MFSD2A: variants seen among roughly 807,000 people sequenced by gnomAD.
MFSD2A encodes the protein MFSD2 lysolipid transporter A, lysophospholipid, also known as sodium-dependent lysophosphatidylcholine symporter 1.
MFSD2A carries 27 observed loss-of-function variants against 64.7 expected under a neutral mutation model. That is an observed-to-expected ratio of 0.42 (90% confidence interval 0.31 to 0.58). The LOEUF (loss-of-function observed/expected upper bound fraction) is 0.58, where lower values mean the gene tolerates loss of function less well. Ranked by LOEUF, MFSD2A falls within the 20% of genes least tolerant of loss-of-function variation. The pLI is 0.18. For missense variants in MFSD2A, 474 were observed against 679.5 expected, an observed-to-expected ratio of 0.70 and a Z score of 3.36; for synonymous variants, 258 against 273.4, an observed-to-expected ratio of 0.94 and a Z score of 0.55.
rs1159765566 is a variant in MFSD2A, at chr1:39,955,272, A to G, written c.-21A>G. On this transcript the variant is annotated 5_prime_UTR_variant, in exon 1 of 14. Transcript: ENST00000372811. This position sits in a 1 kb window ranked among gnomAD's most constrained non-coding sequence, Gnocchi z 5.9. ...AGGAGCATCCCGTCTACCAGGTCCC[A>G]AGCGGCGTGGCCCGCGGGTCATGGC... The G allele has an allele frequency of 1.4e-6, 2 of 1,404,110 alleles. No individual in the cohort carries two copies. The highest frequency in any genetic ancestry group is 1.5e-5 in the African/African-American group (1 of 67,490). 87.0% of individuals were successfully genotyped at this position (1,404,110 alleles called of 1,614,324 possible). A position where few individuals can be genotyped will look rare whatever the true frequency, so the allele number is the denominator to read the frequency against.
In MFSD2A at chr1:39,969,579, G is replaced by A. The variant is rs376322556; in HGVS notation, c.*11G>A. ...GCTAGCATCCTCTAGGGCCCGCCACGTTGCCCGAAGCCACCATGCAGAAGG... is the reference window on the plus strand; with the variant it reads ...GCTAGCATCCTCTAGGGCCCGCCACATTGCCCGAAGCCACCATGCAGAAGG... On this transcript the variant is annotated 3_prime_UTR_variant, in exon 14 of 14. Transcript: ENST00000372811. 3.4e-5 allele frequency: 55 copies of A among 1,608,616 alleles called. No homozygotes were observed. The African/African-American group carries it at 4.3e-4, about 13-fold the overall frequency.
chr1:39,959,295 T>G (rs550776002), intron 3 of MFSD2A, among the ~76,000 whole-genome samples: 1 of 151,768 alleles, frequency 6.6e-6, no homozygotes, highest in South Asian at 2.1e-4. Context: ...TCACCCAGGC[T>G]GGAGTGCAGT....
chr1:39,968,642 A>G lies in MFSD2A; in HGVS notation c.1426A>G (p.Met476Val), dbSNP rs1377663118. The stretch of plus-strand genomic sequence containing the variant: ...GTTTACACTGAACATGCTCGTGACC[A>G]TGGCTCCCATAGTTCTCATCCTGCT... ...VKFTLNMLVT[M>V]APIVLILLGL... The change falls in exon 13 of 14, where the codon ATG (methionine) becomes GTG (valine). Residue 476 changes from methionine (M) to valine (V), a missense_variant. Met to Val is a conservative substitution (Grantham distance 21). Coordinates refer to ENST00000372811, the MANE Select transcript of MFSD2A (RefSeq NM_032793.5). This position sits in a 1 kb window ranked among gnomAD's most constrained non-coding sequence, Gnocchi z 4.4. The G allele has an allele frequency of 2.5e-6, 4 of 1,614,038 alleles. No homozygotes were observed. The East Asian group carries it at 6.7e-5, about 27-fold the overall frequency.
At chr1:39,967,601 C>A (rs748095114) in intron 9 of MFSD2A, 27 bp from the exon 10 acceptor site, 1 of 1,609,368 alleles carries the variant, frequency 6.2e-7, no homozygotes, top group East Asian at 2.2e-5. Flanking sequence ...AAAGCACCTC[C>A]CTTTAACCCC....
intron 3 of MFSD2A, among the ~76,000 whole-genome samples, chr1:39,959,513 A>G (rs919654475): frequency 6.6e-6 from 1 of 152,016 alleles, no homozygotes; most frequent in Non-Finnish European, 1.5e-5. Flanking sequence ...TCAGCCTCCC[A>G]AAGTGTTAGG....
chr1:39,955,226 G>GAGC lies in MFSD2A; in HGVS notation c.-63_-61dup, dbSNP rs964653837. The GAGC allele has an allele frequency of 1.2e-5, 16 of 1,280,234 alleles. No individual in the cohort carries two copies. The African/African-American group carries it at 2.0e-4, about 16-fold the overall frequency. The allele number at this position is 1,280,234 out of a possible 1,614,324, so 79.3% of individuals were successfully genotyped here. On this transcript the variant is annotated 5_prime_UTR_variant, in exon 1 of 14. Transcript: ENST00000372811. This position sits in a 1 kb window ranked among gnomAD's most constrained non-coding sequence, Gnocchi z 5.9. ...GGCTGCTACGAAGCGAGCTTGGGAGGAGCAGCGGCCTGCGGGGCAGAGGAG... is the reference window on the plus strand; with the variant it reads ...GGCTGCTACGAAGCGAGCTTGGGAGGAGCAGCAGCGGCCTGCGGGGCAGAGGAG...
At chr1:39,966,291 T>A (rs1304143758) in intron 6 of MFSD2A, among the ~76,000 whole-genome samples, 3 of 152,152 alleles carry the variant, frequency 2.0e-5, no homozygotes, top group Non-Finnish European at 4.4e-5. Flanking sequence ...GTTTCTGTTT[T>A]TTTCCTTTTA....
intron 6 of MFSD2A, 58 bp from the exon 7 acceptor site, chr1:39,966,543 G>C: frequency 7.1e-7 from 1 of 1,406,836 alleles, no homozygotes; most frequent in Non-Finnish European, 9.9e-7. Flanking sequence ...GCTGGAACTG[G>C]GGTGCTGGGA....
In MFSD2A at chr1:39,965,671, C is replaced by G; in HGVS notation, c.556+122C>G. The G allele has an allele frequency of 1.6e-6, 2 of 1,258,972 alleles. No homozygotes were observed. The highest frequency in any genetic ancestry group is 3.8e-5 in the Admixed American group (2 of 52,892). 78.0% of individuals were successfully genotyped at this position (1,258,972 alleles called of 1,614,324 possible). A position where few individuals can be genotyped will look rare whatever the true frequency, so the allele number is the denominator to read the frequency against. ...GGGTGTGAAACCATCTTAAAAATAACTCAATCCCCTTATTGCTCAGATGAG... is the reference window on the plus strand; with the variant it reads ...GGGTGTGAAACCATCTTAAAAATAAGTCAATCCCCTTATTGCTCAGATGAG... On this transcript the variant is annotated intron_variant, in intron 5 of 13. Coordinates refer to ENST00000372811, the MANE Select transcript of MFSD2A (RefSeq NM_032793.5). This position sits in a 1 kb window ranked among gnomAD's most constrained non-coding sequence, Gnocchi z 5.5.
chr1:39,959,250 CTTT>C (rs747125051), intron 3 of MFSD2A, among the ~76,000 whole-genome samples: 2 of 142,022 alleles, frequency 1.4e-5, no homozygotes, highest in Non-Finnish European at 1.5e-5. Flanking sequence ...ATCTTTCTTT[CTTT>C]TTTTTTTTTT....
chr1:39,967,468 G>A, intron 9 of MFSD2A, 160 bp from the exon 10 acceptor site: 1 of 703,382 alleles, frequency 1.4e-6, no homozygotes, highest in East Asian at 2.6e-5. Flanking sequence ...GAGCTCCCCT[G>A]GGGAGCCGTC....
At chr1:39,961,186 T>A (rs1026190277) in intron 3 of MFSD2A, among the ~76,000 whole-genome samples, 2 of 152,018 alleles carry the variant, frequency 1.3e-5, no homozygotes, top group Non-Finnish European at 2.9e-5. Context: ...CCCTTTCCTT[T>A]CAGTGTAGGA....
rs1645108876 is a variant in MFSD2A at position 39,964,361 on chromosome 1, G to T, written c.354-850G>T. On this transcript the variant is annotated intron_variant, in intron 3 of 13. Transcript: ENST00000372811. The surrounding 1 kb of genome is among the most constrained non-coding windows in gnomAD (Gnocchi z 4.1). ...TAGCTGGAACTTATGAGGAAATGAGGAAACGAGCTTCAGATAATTTAAATA... is the reference window on the plus strand; with the variant it reads ...TAGCTGGAACTTATGAGGAAATGAGTAAACGAGCTTCAGATAATTTAAATA... 4 of 152,196 alleles carry T rather than the reference G, an allele frequency of 2.6e-5. No homozygotes were observed. The South Asian group carries it at 8.3e-4, about 32-fold the overall frequency. The allele number at this position is 152,196 out of a possible 1,614,324, so 9.4% of individuals were successfully genotyped here.
chr1:39,965,805 T>G lies in MFSD2A; in HGVS notation c.557-52T>G. The G allele has an allele frequency of 6.2e-7, 1 of 1,604,790 alleles. No individual in the cohort carries two copies. The highest frequency in any genetic ancestry group is 1.1e-5 in the South Asian group (1 of 90,492). Reference sequence around the variant, plus strand: ...CTCCCACCCATTTGACCTTCCTCCCTGGGCCCACAATCCATGAGGCCCCTC... The same window carrying G: ...CTCCCACCCATTTGACCTTCCTCCCGGGGCCCACAATCCATGAGGCCCCTC... On this transcript the variant is annotated intron_variant, in intron 5 of 13. Transcript: ENST00000372811. The surrounding 1 kb of genome is among the most constrained non-coding windows in gnomAD (Gnocchi z 5.5).
Position 39,963,141 on chromosome 1 carries a change from C to G in MFSD2A, c.354-2070C>G, listed in dbSNP as rs1645081866. ...TGTGCTGGTGCGTCTCATCCCTGCA[C>G]CCAGGAGCACTGGCATCGTCTCCAC... On this transcript the variant is annotated intron_variant, in intron 3 of 13. Transcript: ENST00000372811. This position sits in a 1 kb window ranked among gnomAD's most constrained non-coding sequence, Gnocchi z 4.2. 15 of 1,405,464 alleles carry G rather than the reference C, an allele frequency of 1.1e-5. No homozygotes were observed. In the South Asian group the frequency reaches 1.6e-4, roughly 15 times the overall value. The allele number at this position is 1,405,464 out of a possible 1,614,324, so 87.1% of individuals were successfully genotyped here. A position where few individuals can be genotyped will look rare whatever the true frequency, so the allele number is the denominator to read the frequency against.
At position 39,967,812 on chromosome 1, in the gene MFSD2A, G is replaced by A. The variant is rs1374266151; in HGVS notation, c.1104G>A (p.Val368=). Residue 368 remains valine (V), a synonymous_variant, in exon 11 of 14, where the codon GTG becomes GTA. Coordinates refer to ENST00000372811, the MANE Select transcript of MFSD2A (RefSeq NM_032793.5). ...TGCACCCCCTTCCCTAGTCAGCAGT[G>A]CCATTTCTCATCTTGGTGGCCCTCA... ...TAVYVGISSA[V]PFLILVALME... The A allele has an allele frequency of 6.2e-7, 1 of 1,613,500 alleles. No homozygotes were observed. Among genetic ancestry groups the A allele is most frequent in the Admixed American group, 1.7e-5 (1 of 60,000 alleles).
Position 39,968,524 on chromosome 1 carries a change from C to T in MFSD2A, c.1353-45C>T, listed in dbSNP as rs1046929507. The T allele has an allele frequency of 6.2e-7, 1 of 1,613,742 alleles. No individual in the cohort carries two copies. The highest frequency in any genetic ancestry group is 8.5e-7 in the Non-Finnish European group (1 of 1,179,744). Reference sequence around the variant, plus strand: ...GGCAGGACTGGGCAGGGCCAGGCCCCAGGTGCCCCATCTTCACCGTTCTCC... The same window carrying T: ...GGCAGGACTGGGCAGGGCCAGGCCCTAGGTGCCCCATCTTCACCGTTCTCC... On this transcript the variant is annotated intron_variant, in intron 12 of 13. Coordinates refer to ENST00000372811, the MANE Select transcript of MFSD2A (RefSeq NM_032793.5). The surrounding 1 kb of genome is among the most constrained non-coding windows in gnomAD (Gnocchi z 4.4).
In MFSD2A at chr1:39,955,788, G is replaced by T; in HGVS notation, c.93+403G>T. 1 of 401,110 alleles carries T rather than the reference G, an allele frequency of 2.5e-6. No homozygotes were observed. Among genetic ancestry groups the T allele is most frequent in the South Asian group, 1.9e-5 (1 of 53,600 alleles). 24.8% of individuals were successfully genotyped at this position (401,110 alleles called of 1,614,324 possible). A position where few individuals can be genotyped will look rare whatever the true frequency, so the allele number is the denominator to read the frequency against. On this transcript the variant is annotated intron_variant, in intron 1 of 13. Coordinates refer to ENST00000372811, the MANE Select transcript of MFSD2A (RefSeq NM_032793.5). The surrounding 1 kb of genome is among the most constrained non-coding windows in gnomAD (Gnocchi z 5.9). ...CCTCCCACTCCACCCACCTACTCTT[G>T]CGCCTCAACTCTGCTGTTAGGGCCG...
rs755308603 is a variant in MFSD2A, at chr1:39,967,718, G to A, written c.1095+7G>A. The A allele has an allele frequency of 1.2e-5, 20 of 1,613,968 alleles. No homozygotes were observed. The East Asian group carries it at 4.5e-4, about 36-fold the overall frequency. On this transcript the variant is annotated splice_region_variant and intron_variant, in intron 10 of 13. Coordinates refer to ENST00000372811, the MANE Select transcript of MFSD2A (RefSeq NM_032793.5). The stretch of plus-strand genomic sequence containing the variant: ...TGTATATGTTGGGATCTCAGTGAGT[G>A]GGGTTGAAGAGCAGAGCCTGGGTTG...
Sources: allele counts gnomAD v4.1 joint callset (sites outside exome capture counted in the v4.1 genomes callset), GRCh38; gene constraint gnomAD v4.1.1; non-coding constraint Gnocchi (gnomAD v3.1); transcripts MANE v1.5; gene names NCBI Gene and HGNC (gene_info 2026-07-23, HGNC 2026-07-21).